FAM210A: variants seen among roughly 807,000 people sequenced by gnomAD.
FAM210A encodes the protein family with sequence similarity 210 member A.
Under a neutral mutation model 25.3 loss-of-function variants are expected in FAM210A, and 13 were observed. That is an observed-to-expected ratio of 0.51 (90% CI 0.33 to 0.82). The LOEUF (loss-of-function observed/expected upper bound fraction) is 0.82, where lower values mean the gene tolerates loss of function less well. Ranked by LOEUF, FAM210A falls within the 40% of genes least tolerant of loss-of-function variation. The pLI, the probability that FAM210A is intolerant of heterozygous loss-of-function variation, is 0.02. For missense variants in FAM210A, 319 were observed against 323.2 expected (o/e 0.99, Z 0.10); for synonymous variants, 125 against 118.7 (o/e 1.05, Z -0.35).
intron 1 of FAM210A, among the ~76,000 whole-genome samples, chr18:13,704,739 AATAT>A (rs1369755490): frequency 6.6e-6 from 1 of 152,190 alleles, no homozygotes; most frequent in African/African-American, 2.4e-5. Context: ...AGTGAATGTT[AATAT>A]ATATTCCAAA....
intron 1 of FAM210A, among the ~76,000 whole-genome samples, chr18:13,716,523 T>C (rs1263034133): frequency 6.6e-6 from 1 of 152,138 alleles, no homozygotes; most frequent in African/African-American, 2.4e-5. Context: ...ACATATGGAT[T>C]CTGGGGGTTC....
In FAM210A at chr18:13,718,895, T is replaced by G. The variant is rs561125354; in HGVS notation, c.-29+7434A>C. ...GTGGGGTTAACTAGTTTTGTCAGTG[T>G]TTACTGTATCAAGCATATTTCAGAA... On this transcript the variant is annotated intron_variant, in intron 1 of 3. Coordinates refer to ENST00000651643, the MANE Select transcript of FAM210A (RefSeq NM_152352.4). 5.3e-5 allele frequency among the ~76,000 whole-genome samples: 8 copies of G among 152,324 alleles called. No homozygotes were observed. The East Asian group carries it at 1.5e-3, about 29-fold the overall frequency.
chr18:13,674,829 T>C (rs1166953224), intron 2 of FAM210A, among the ~76,000 whole-genome samples: 3 of 143,658 alleles, frequency 2.1e-5, no homozygotes, highest in Non-Finnish European at 4.7e-5. Context: ...TTCCTGATTA[T>C]TAACATTCCT....
intron 1 of FAM210A, among the ~76,000 whole-genome samples, chr18:13,684,720 T>C (rs968482946): frequency 6.6e-6 from 1 of 152,156 alleles, no homozygotes; most frequent in African/African-American, 2.4e-5. Flanking sequence ...TAACTGACAT[T>C]TATAGAATAC....
chr18:13,694,497 T>A (rs1485133668), intron 1 of FAM210A, among the ~76,000 whole-genome samples: 1 of 152,238 alleles, frequency 6.6e-6, no homozygotes, highest in Non-Finnish European at 1.5e-5. Flanking sequence ...CAAAACAGCA[T>A]GGTACTGGTA....
chr18:13,666,768 A>C (rs1488653290), intron 3 of FAM210A, 55 bp from the exon 4 acceptor site: 8 of 1,477,094 alleles, frequency 5.4e-6, no homozygotes, highest in Non-Finnish European at 7.4e-6. Context: ...CTGTCATCTT[A>C]AGCAAAAACA....
intron 1 of FAM210A, among the ~76,000 whole-genome samples, chr18:13,697,953 C>CA (rs1228737548): frequency 1.2e-4 from 19 of 152,066 alleles, no homozygotes; most frequent in Non-Finnish European, 4.4e-5. Context: ...TCAAAGAAGC[C>CA]AGCTTAAAAA....
At chr18:13,671,796 C>G (rs1859801451) in intron 3 of FAM210A, 66 bp downstream of exon 3, 2 of 958,874 alleles carry the variant, frequency 2.1e-6, no homozygotes, top group Non-Finnish European at 3.3e-6. Flanking sequence ...CATGGAATCT[C>G]ATGGGAAAGT....
intron 2 of FAM210A, among the ~76,000 whole-genome samples, chr18:13,676,253 G>GCC (rs1316112508): frequency 1.8e-4 from 23 of 125,716 alleles, no homozygotes; most frequent in Non-Finnish European, 2.7e-4. Flanking sequence ...ACATTCCTGA[G>GCC]CCCTGGCTTC....
chr18:13,697,680 T>TTA (rs1601957912), intron 1 of FAM210A: 3 of 6,030 alleles, frequency 5.0e-4, no homozygotes, highest in Non-Finnish European at 1.2e-3. Flanking sequence ...AGACTCTGTC[T>TTA]CAAAAAAAAA....
At chr18:13,677,492 G>C (rs1003978532) in intron 2 of FAM210A, among the ~76,000 whole-genome samples, 2 of 152,198 alleles carry the variant, frequency 1.3e-5, no homozygotes, top group Admixed American at 6.5e-5. Flanking sequence ...GAACAGAACA[G>C]AACACAACAC....
intron 1 of FAM210A, among the ~76,000 whole-genome samples, chr18:13,694,346 C>T (rs2043674754): frequency 6.6e-6 from 1 of 152,162 alleles, no homozygotes; most frequent in African/African-American, 2.4e-5. Context: ...TGACTTTCTT[C>T]ACAGAATTGG....
chr18:13,667,958 G>C (rs911290457), intron 3 of FAM210A, among the ~76,000 whole-genome samples: 1 of 152,184 alleles, frequency 6.6e-6, no homozygotes, highest in African/African-American at 2.4e-5. Flanking sequence ...AGCTACTTGG[G>C]AGGCTGATGC....
chr18:13,725,731 G>A (rs2043937560), intron 1 of FAM210A, among the ~76,000 whole-genome samples: 1 of 152,098 alleles, frequency 6.6e-6, no homozygotes, highest in African/African-American at 2.4e-5. Context: ...AGTACAGTAG[G>A]CGCTTTCACT....
chr18:13,726,177 C>A (rs765644194), intron 1 of FAM210A, among the ~76,000 whole-genome samples, 152 bp downstream of exon 1: 1 of 152,158 alleles, frequency 6.6e-6, no homozygotes, highest in Non-Finnish European at 1.5e-5. Context: ...GACGACCCGT[C>A]TGGCAGTCGT....
At chr18:13,692,761 A>G (rs959024603) in intron 1 of FAM210A, among the ~76,000 whole-genome samples, 1 of 152,256 alleles carries the variant, frequency 6.6e-6, no homozygotes, top group Admixed American at 6.5e-5. Flanking sequence ...TGTAGAGGGA[A>G]ATTTATACAC....
intron 1 of FAM210A, among the ~76,000 whole-genome samples, chr18:13,707,914 A>G (rs1479864656): frequency 6.6e-6 from 1 of 151,558 alleles, no homozygotes; most frequent in Non-Finnish European, 1.5e-5. Flanking sequence ...TTTTGTCTAT[A>G]AATCTTCTTC....
chr18:13,719,323 A>G (rs2043882565), intron 1 of FAM210A, among the ~76,000 whole-genome samples: 1 of 152,170 alleles, frequency 6.6e-6, no homozygotes, highest in Non-Finnish European at 1.5e-5. Context: ...ATAAAATACC[A>G]CGTTTAATTC....
At chr18:13,682,525 GCCACTGCCCTCCAAC>G (rs1215030701) in intron 1 of FAM210A, among the ~76,000 whole-genome samples, 1 of 152,164 alleles carries the variant, frequency 6.6e-6, no homozygotes, top group Non-Finnish European at 1.5e-5. Flanking sequence ...CTGAGATCGG[GCCACTGCCCTCCAAC>G]CTGGGTGACA....
Sources: gnomAD v4.1 joint callset for allele counts (sites outside exome capture counted in the v4.1 genomes callset) on GRCh38, gnomAD v4.1.1 for gene constraint, MANE v1.5 for transcripts, NCBI Gene and HGNC (gene_info 2026-07-23, HGNC 2026-07-21) for gene names.